Variants in LHFPL3 observed in about 807,000 individuals in gnomAD.
LHFPL3 encodes LHFPL tetraspan subfamily member 3 protein.
LHFPL3 carries 5 observed loss-of-function variants against 19.3 expected under a neutral mutation model. The observed-to-expected ratio is 0.26, with a 90% CI of 0.14 to 0.54. LHFPL3 has a LOEUF of 0.54. Ranked by LOEUF, LHFPL3 falls within the 20% of genes least tolerant of loss-of-function variation. The pLI, the probability that LHFPL3 is intolerant of heterozygous loss-of-function variation, is 0.94. For missense variants in LHFPL3, 249 were observed against 307.4 expected (o/e 0.81, Z 1.42); for synonymous variants, 133 against 126.2 (o/e 1.05, Z -0.36).
intron 1 of LHFPL3, among the ~76,000 whole-genome samples, chr7:104,418,462 T>C (rs1584306211): frequency 6.6e-6 from 1 of 151,996 alleles, no homozygotes; most frequent in African/African-American, 2.4e-5. Context: ...AGCCCAGGAG[T>C]TTGAGGCTGC....
chr7:104,482,722 A>G (rs546712172), intron 1 of LHFPL3, among the ~76,000 whole-genome samples: 61 of 152,304 alleles, frequency 4.0e-4, no homozygotes, highest in Middle Eastern at 3.4e-3. Context: ...ATGAACAGTG[A>G]GCAGATTTAG....
chr7:104,607,423 A>G (rs531762169), intron 1 of LHFPL3, among the ~76,000 whole-genome samples: 39 of 152,342 alleles, frequency 2.6e-4, no homozygotes, highest in Admixed American at 9.8e-4. Flanking sequence ...AGCAATCCTG[A>G]AACATTAACT....
At chr7:104,495,409 A>T (rs779448179) in intron 1 of LHFPL3, among the ~76,000 whole-genome samples, 6 of 152,036 alleles carry the variant, frequency 3.9e-5, no homozygotes, top group Non-Finnish European at 5.9e-5. Flanking sequence ...TTTGAGACGG[A>T]GTCTTGCTCT....
intron 1 of LHFPL3, among the ~76,000 whole-genome samples, chr7:104,360,887 T>A (rs997687941): frequency 6.6e-6 from 1 of 152,214 alleles, no homozygotes; most frequent in Non-Finnish European, 1.5e-5. Flanking sequence ...GGGCAAACGA[T>A]AGCCCATGGG....
intron 1 of LHFPL3, among the ~76,000 whole-genome samples, chr7:104,619,194 G>A (rs1360844110): frequency 6.6e-6 from 1 of 152,076 alleles, no homozygotes; most frequent in Non-Finnish European, 1.5e-5. Flanking sequence ...ACATATTATT[G>A]TTCTACAGTT....
intron 1 of LHFPL3, among the ~76,000 whole-genome samples, chr7:104,612,850 C>T (rs1441540622): frequency 6.6e-6 from 1 of 152,182 alleles, no homozygotes; most frequent in Admixed American, 6.5e-5. Flanking sequence ...CTTTGAGAAT[C>T]CAAATGCTGT....
chr7:104,405,730 A>G (rs1318566235), intron 1 of LHFPL3, among the ~76,000 whole-genome samples: 3 of 152,222 alleles, frequency 2.0e-5, no homozygotes, highest in African/African-American at 7.2e-5. Flanking sequence ...GCAACATTGT[A>G]ACTCTAAATT....
At chr7:104,663,065 T>G (rs555117952) in intron 1 of LHFPL3, among the ~76,000 whole-genome samples, 1 of 152,330 alleles carries the variant, frequency 6.6e-6, no homozygotes, top group South Asian at 2.1e-4. Flanking sequence ...TGTATGCCTA[T>G]TCTGTCAGTG....
intron 2 of LHFPL3, 124 bp from the exon 3 acceptor site, chr7:104,906,063 T>C: frequency 1.1e-6 from 1 of 878,748 alleles, no homozygotes; most frequent in Non-Finnish European, 1.8e-6. Context: ...AAAATGCATT[T>C]GAACCATTCA....
At chr7:104,822,120 G>A (rs189858285) in intron 2 of LHFPL3, among the ~76,000 whole-genome samples, 97 of 152,294 alleles carry the variant, frequency 6.4e-4, no homozygotes, top group African/African-American at 2.2e-3. Context: ...TCTGTTTAAG[G>A]GAGTTTCCCA....
chr7:104,713,398 G>A (rs1200524073), intron 1 of LHFPL3, among the ~76,000 whole-genome samples: 1 of 152,170 alleles, frequency 6.6e-6, no homozygotes, highest in Non-Finnish European at 1.5e-5. Context: ...AGGCTGTGCA[G>A]GTAGCATGGA....
Position 104,565,765 on chromosome 7 carries a change from AT to A in LHFPL3, c.446-170909del, listed in dbSNP as rs1562936713. Reference sequence around the variant, plus strand: ...TATCTATCTATCTATCTATCTATCTATCTATCTAATCTATCTATCTGTCTAA... The same window carrying A: ...TATCTATCTATCTATCTATCTATCTACTATCTAATCTATCTATCTGTCTAA... On this transcript the variant is annotated intron_variant, in intron 1 of 2. Transcript: ENST00000424859. Among the ~76,000 whole-genome samples the A allele has an allele frequency of 2.2e-5, 3 of 134,282 alleles. No homozygotes were observed. In the East Asian group the frequency reaches 6.7e-4, roughly 30 times the overall value. The allele number at this position is 134,282 out of a possible 152,430, so 88.1% of individuals were successfully genotyped here. A position where few individuals can be genotyped will look rare whatever the true frequency, so the allele number is the denominator to read the frequency against.
intron 2 of LHFPL3, among the ~76,000 whole-genome samples, chr7:104,824,762 AAT>A (rs1417301726): frequency 6.4e-5 from 2 of 31,490 alleles, no homozygotes; most frequent in African/African-American, 1.5e-4. Context: ...TATTATATAT[AAT>A]ATATTATATA....
chr7:104,714,407 G>A (rs1793348615), intron 1 of LHFPL3, among the ~76,000 whole-genome samples: 1 of 151,698 alleles, frequency 6.6e-6, no homozygotes, highest in Admixed American at 6.6e-5. Flanking sequence ...GCTTCAAAGA[G>A]TAGCAAAAAA....
chr7:104,457,252 C>A (rs1205005041), intron 1 of LHFPL3, among the ~76,000 whole-genome samples: 11 of 151,932 alleles, frequency 7.2e-5, no homozygotes, highest in East Asian at 1.9e-4. Flanking sequence ...TATATCTCCT[C>A]AAGCTATCCC....
intron 1 of LHFPL3, among the ~76,000 whole-genome samples, chr7:104,465,692 G>A (rs1792767300): frequency 6.6e-6 from 1 of 152,164 alleles, no homozygotes; most frequent in Non-Finnish European, 1.5e-5. Flanking sequence ...AACAGCATAA[G>A]GGTAACTGCC....
At chr7:104,479,613 A>G (rs977731225) in intron 1 of LHFPL3, among the ~76,000 whole-genome samples, 1 of 152,066 alleles carries the variant, frequency 6.6e-6, no homozygotes, top group African/African-American at 2.4e-5. Context: ...GCTGGTCTCA[A>G]ACTCCTGACC....
At chr7:104,591,522 A>G (rs1263728853) in intron 1 of LHFPL3, among the ~76,000 whole-genome samples, 1 of 152,126 alleles carries the variant, frequency 6.6e-6, no homozygotes, top group Admixed American at 6.6e-5. Flanking sequence ...GGGTAACCCG[A>G]CCTTTCTCTC....
At position 104,665,329 on chromosome 7, in the gene LHFPL3, A is replaced by G. The variant is rs77210659; in HGVS notation, c.446-71346A>G. ...AACTGGGTCCGTCCATGAAGACAGT[A>G]TATTGAATTATTTCCATGATTGAGG... On this transcript the variant is annotated intron_variant, in intron 1 of 2. Transcript: ENST00000424859. Among the ~76,000 whole-genome samples, 217 of 152,358 alleles carry G rather than the reference A, an allele frequency of 1.4e-3. 5 individuals are homozygous for G. The East Asian group carries it at 0.024, about 17-fold the overall frequency.
Sources: gnomAD v4.1 joint callset for allele counts (sites outside exome capture counted in the v4.1 genomes callset) on GRCh38, gnomAD v4.1.1 for gene constraint, MANE v1.5 for transcripts, NCBI Gene and HGNC (gene_info 2026-07-23, HGNC 2026-07-21) for gene names.